The following UPB1 variants were observed in gnomAD, a reference collection of about 807,000 sequenced individuals.
The protein encoded by UPB1 is beta-ureidopropionase 1, also known as beta-ureidopropionase.
A neutral mutation model predicts 49.1 loss-of-function variants in UPB1; 40 were observed. The observed-to-expected ratio is 0.81, with a 90% CI of 0.63 to 1.06. UPB1 has a LOEUF of 1.06. Among genes scored for constraint, UPB1 ranks in the 50% least tolerant of loss-of-function variants. The pLI is 0.00. For synonymous variants in UPB1, 207 were observed against 198.2 expected, an observed-to-expected ratio of 1.04 and a Z score of -0.38; for missense variants, 499 against 505.9, an observed-to-expected ratio of 0.99 and a Z score of 0.13.
chr22:24,521,902 C>G, intron 7 of UPB1, 84 bp from the exon 8 acceptor site: 1 of 1,449,484 alleles, frequency 6.9e-7, no homozygotes, highest in Non-Finnish European at 9.7e-7. Flanking sequence ...GCCTGATTGC[C>G]CTGCTCATCT....
rs2044488663 is a variant in UPB1 at position 24,527,147 on chromosome 22, G to C, written c.*1353G>C. ...AAGGCAGGTGGATCACTTGAGGTCAGGAGTTCAAGACCAGCCTGGCCAACA... is the reference window on the plus strand; with the variant it reads ...AAGGCAGGTGGATCACTTGAGGTCACGAGTTCAAGACCAGCCTGGCCAACA... On this transcript the variant is annotated 3_prime_UTR_variant, in exon 10 of 10. Coordinates refer to ENST00000326010, the MANE Select transcript of UPB1 (RefSeq NM_016327.3). 1 of 152,244 alleles carries C rather than the reference G, an allele frequency of 6.6e-6. No individual in the cohort carries two copies. Among genetic ancestry groups the C allele is most frequent in the Non-Finnish European group, 1.5e-5 (1 of 68,098 alleles). The allele number at this position is 152,244 out of a possible 1,614,324, so 9.4% of individuals were successfully genotyped here.
rs1263477411 is a variant in UPB1, at chr22:24,513,330, A to G, written c.466A>G (p.Lys156Glu). Residue 156 changes from lysine to glutamate, a missense_variant, in exon 5 of 10, where the codon AAG (lysine) becomes GAG (glutamate). Lys to Glu is a moderately conservative substitution (Grantham distance 56, BLOSUM62 1). Transcript: ENST00000326010. ...PTTRFCQKLA[K>E]NHDMVVVSPI... The stretch of plus-strand genomic sequence containing the variant: ...ATATTTATCATTTTTCCAGCTGGCG[A>G]AGAACCATGACATGGTGGTGGTGTC... 9 of 1,614,090 alleles carry G rather than the reference A, an allele frequency of 5.6e-6. No individual in the cohort carries two copies. The highest frequency in any genetic ancestry group is 1.7e-5 in the Admixed American group (1 of 60,010).
chr22:24,507,584 A>G (rs923628491), intron 3 of UPB1, among the ~76,000 whole-genome samples: 4 of 152,244 alleles, frequency 2.6e-5, no homozygotes, highest in Non-Finnish European at 4.4e-5. Context: ...AGTAAAAGGA[A>G]TAAAGGAGTA....
intron 4 of UPB1, among the ~76,000 whole-genome samples, chr22:24,512,680 C>G (rs2044227024): frequency 6.6e-6 from 1 of 152,164 alleles, no homozygotes; most frequent in African/African-American, 2.4e-5. Context: ...TAAACAATAG[C>G]TCCCCATTCC....
rs765803283 is a variant in UPB1 at position 24,513,440 on chromosome 22, A to C, written c.576A>C (p.Gly192=). The C allele has an allele frequency of 1.2e-6, 2 of 1,614,156 alleles. No homozygotes were observed. The highest frequency in any genetic ancestry group is 4.5e-5 in the East Asian group (2 of 44,886). Residue 192 remains glycine (G), a synonymous_variant, in exon 5 of 10, where the codon GGA becomes GGC. Coordinates refer to ENST00000326010, the MANE Select transcript of UPB1 (RefSeq NM_016327.3). ...TCTCCAATTCCGGAGCAGTCCTGGG[A>C]AAGACCAGGAAAAACCACATCCCCA... ...VVISNSGAVL[G]KTRKNHIPRV...
chr22:24,520,243 G>T, intron 6 of UPB1, 144 bp from the exon 7 acceptor site: 1 of 900,892 alleles, frequency 1.1e-6, no homozygotes, highest in Non-Finnish European at 1.8e-6. Context: ...CCCACCACTG[G>T]CCCAGGAAAG....
chr22:24,525,640 G>A (rs1358395279), intron 9 of UPB1, 71 bp from the exon 10 acceptor site: 2 of 1,584,506 alleles, frequency 1.3e-6, no homozygotes, highest in Admixed American at 3.3e-5. Flanking sequence ...AGTGGCAAGA[G>A]GTGGTGGCGT....
intron 8 of UPB1, 117 bp downstream of exon 8, chr22:24,522,145 T>TCCTCCTAGGTGCC: frequency 8.0e-7 from 1 of 1,256,864 alleles, no homozygotes; most frequent in Non-Finnish European, 1.1e-6. Context: ...GCCTGGCACC[T>TCCTCCTAGGTGCC]AGGAGGAGGC....
intron 3 of UPB1, among the ~76,000 whole-genome samples, chr22:24,505,793 A>G (rs1409534214): frequency 6.6e-6 from 1 of 151,830 alleles, no homozygotes; most frequent in East Asian, 1.9e-4. Flanking sequence ...GCTCACTGCA[A>G]CCTCTGCCTC....
rs61250014 is a variant in UPB1, at chr22:24,502,095, A to C, written c.277-31A>C. On this transcript the variant is annotated intron_variant, in intron 2 of 9. Transcript: ENST00000326010. ...TAAAAATTGCCTTACCAATAGAACT[A>C]AATGGATTCTAATCCTTTTTAAATT... The C allele has an allele frequency of 3.0e-5, 49 of 1,611,858 alleles. No homozygotes were observed. In the East Asian group the frequency reaches 1.1e-3, roughly 35 times the overall value.
At chr22:24,514,360 A>G (rs1214344726) in intron 5 of UPB1, among the ~76,000 whole-genome samples, 1 of 152,094 alleles carries the variant, frequency 6.6e-6, no homozygotes. Flanking sequence ...TTACCCTGGG[A>G]TTAATCTTTA....
At chr22:24,508,868 C>G (rs1447572576) in intron 3 of UPB1, among the ~76,000 whole-genome samples, 1 of 152,082 alleles carries the variant, frequency 6.6e-6, no homozygotes, top group Non-Finnish European at 1.5e-5. Context: ...GCAACAAGAA[C>G]AAGACTCCAT....
intron 3 of UPB1, among the ~76,000 whole-genome samples, chr22:24,504,555 C>T (rs958077448): frequency 2.6e-5 from 4 of 152,088 alleles, no homozygotes; most frequent in Non-Finnish European, 5.9e-5. Flanking sequence ...CCACTCTAGG[C>T]ACTCAGTGGG....
chr22:24,520,128 C>T, intron 6 of UPB1: 1 of 552,386 alleles, frequency 1.8e-6, no homozygotes, highest in South Asian at 2.0e-5. Flanking sequence ...TGGCTTATGC[C>T]TGCAGCAGGC....
rs779360003 is a variant in UPB1 at position 24,520,394 on chromosome 22, C to A, written c.799C>A (p.Leu267Met). Residue 267 changes from leucine to methionine, a missense_variant, in exon 7 of 10, where the codon CTG (leucine) becomes ATG (methionine). Coordinates refer to ENST00000326010, the MANE Select transcript of UPB1 (RefSeq NM_016327.3). ...SATIGALSES[L>M]WPIEARNAAI... ...CTTGGTCCTCTCTTACAGCGAGTCCCTGTGGCCCATCGAGGCCAGAAACGC... is the reference window on the plus strand; with the variant it reads ...CTTGGTCCTCTCTTACAGCGAGTCCATGTGGCCCATCGAGGCCAGAAACGC... 5 of 1,614,072 alleles carry A rather than the reference C, an allele frequency of 3.1e-6. No individual in the cohort carries two copies. The highest frequency in any genetic ancestry group is 3.4e-6 in the Non-Finnish European group (4 of 1,180,034).
chr22:24,515,603 A>G lies in UPB1; in HGVS notation c.791+233A>G, dbSNP rs113976771. On this transcript the variant is annotated intron_variant, in intron 6 of 9. Transcript: ENST00000326010. ...AGCAAGAGCTGCTCTACAGTAAAAC[A>G]CCAACCTCTGCTGTGATTCTGAACA... Among the ~76,000 whole-genome samples, 919 of 152,322 alleles carry G rather than the reference A, an allele frequency of 6.0e-3. 12 individuals are homozygous for G. The highest frequency in any genetic ancestry group is 0.021 in the African/African-American group (856 of 41,574).
chr22:24,517,001 A>G (rs539868304), intron 6 of UPB1, among the ~76,000 whole-genome samples: 35 of 152,324 alleles, frequency 2.3e-4, no homozygotes, highest in African/African-American at 7.0e-4. Context: ...TGGGATTACA[A>G]GCGTGAGCCA....
At position 24,523,601 on chromosome 22, in the gene UPB1, T is replaced by G; in HGVS notation, c.917-18T>G. ...CATCTACACAAGCTCACAGATGTGTTTCTTTGTTCCTTTAAAGCTCACCAG... is the reference window on the plus strand; with the variant it reads ...CATCTACACAAGCTCACAGATGTGTGTCTTTGTTCCTTTAAAGCTCACCAG... On this transcript the variant is annotated intron_variant, in intron 8 of 9. Coordinates refer to ENST00000326010, the MANE Select transcript of UPB1 (RefSeq NM_016327.3). The G allele has an allele frequency of 3.7e-6, 6 of 1,614,130 alleles. No homozygotes were observed. The highest frequency in any genetic ancestry group is 5.1e-6 in the Non-Finnish European group (6 of 1,180,026).
At chr22:24,502,451 T>C in intron 3 of UPB1, 1 of 781,656 alleles carries the variant, frequency 1.3e-6, no homozygotes, top group East Asian at 2.4e-5. Context: ...TCTCCATCTC[T>C]CTACCACCAC....
Sources: allele counts gnomAD v4.1 joint callset (sites outside exome capture counted in the v4.1 genomes callset), GRCh38; gene constraint gnomAD v4.1.1; transcripts MANE v1.5; gene names NCBI Gene and HGNC (gene_info 2026-07-23, HGNC 2026-07-21).